The following PALM2AKAP2 variants were observed in gnomAD, a reference collection of about 807,000 sequenced individuals.
PALM2AKAP2 encodes PALM2 and AKAP2 fusion, also known as PALM2-AKAP2 fusion protein.
A neutral mutation model predicts 71.5 loss-of-function variants in PALM2AKAP2; 37 were observed. The ratio of observed to expected loss-of-function variants is 0.52; its 90% CI spans 0.40 to 0.68. The LOEUF (loss-of-function observed/expected upper bound fraction) is 0.68, where lower values mean the gene tolerates loss of function less well. PALM2AKAP2 is among the 30% of genes least tolerant of loss of function. PALM2AKAP2 has a pLI of 0.00. For missense variants in PALM2AKAP2, 1,224 were observed against 1,191.8 expected, an observed-to-expected ratio of 1.03 and a Z score of -0.40; for synonymous variants, 468 against 478.8, an observed-to-expected ratio of 0.98 and a Z score of 0.29.
At chr9:109,918,977 G>T (rs1475827355) in intron 3 of PALM2AKAP2, among the ~76,000 whole-genome samples, 1 of 152,140 alleles carries the variant, frequency 6.6e-6, no homozygotes, top group Non-Finnish European at 1.5e-5. Context: ...ATAGCGCAGA[G>T]CCTTGAAACC....
At chr9:109,969,225 C>G (rs1013961601) in intron 6 of PALM2AKAP2, among the ~76,000 whole-genome samples, 3 of 152,188 alleles carry the variant, frequency 2.0e-5, no homozygotes, top group African/African-American at 7.2e-5. Flanking sequence ...TTTGCAAAAG[C>G]TCAGCAGCTC....
intron 6 of PALM2AKAP2, among the ~76,000 whole-genome samples, chr9:109,954,808 T>A (rs1831716956): frequency 6.6e-6 from 1 of 152,170 alleles, no homozygotes; most frequent in African/African-American, 2.4e-5. Flanking sequence ...AAAATCATTT[T>A]GAATTCATTG....
chr9:110,152,734 A>G (rs1836352771), intron 2 of PALM2AKAP2, among the ~76,000 whole-genome samples: 1 of 152,140 alleles, frequency 6.6e-6, no homozygotes, highest in Non-Finnish European at 1.5e-5. Context: ...CCTCTGAGGA[A>G]GTTGTCAGGT....
intron 1 of PALM2AKAP2, among the ~76,000 whole-genome samples, chr9:109,653,650 G>C (rs1472880267): frequency 1.3e-5 from 2 of 152,204 alleles, no homozygotes; most frequent in African/African-American, 4.8e-5. Context: ...TCTGTAGATA[G>C]GGGGTGTAGT....
intron 1 of PALM2AKAP2, among the ~76,000 whole-genome samples, chr9:110,058,897 G>GTTTTTTTTTTT (rs1833901361): frequency 8.8e-6 from 1 of 113,456 alleles, no homozygotes; most frequent in African/African-American, 3.8e-5. Context: ...AAAGTTTTTT[G>GTTTTTTTTTTT]GTTTTTTTTT....
intron 6 of PALM2AKAP2, among the ~76,000 whole-genome samples, chr9:110,011,267 T>C (rs1832882060): frequency 6.6e-6 from 1 of 150,380 alleles, no homozygotes; most frequent in African/African-American, 2.4e-5. Context: ...CCCCAAGTTC[T>C]TAGGTCAGAT....
At chr9:110,030,590 G>A (rs141267157) in intron 7 of PALM2AKAP2, among the ~76,000 whole-genome samples, 1 of 152,212 alleles carries the variant, frequency 6.6e-6, no homozygotes, top group African/African-American at 2.4e-5. Flanking sequence ...CTAACAATGG[G>A]AAGAATGATC....
At chr9:109,794,479 A>C (rs1827195231) in intron 1 of PALM2AKAP2, among the ~76,000 whole-genome samples, 1 of 147,672 alleles carries the variant, frequency 6.8e-6, no homozygotes, top group Admixed American at 6.8e-5. Flanking sequence ...AAGCACACTT[A>C]GTGAAAGACT....
chr9:109,839,200 C>T (rs1264624817), intron 1 of PALM2AKAP2, among the ~76,000 whole-genome samples: 2 of 152,210 alleles, frequency 1.3e-5, no homozygotes, highest in Non-Finnish European at 2.9e-5. Context: ...ATCAAGTGGG[C>T]TTCATCCCTG....
intron 1 of PALM2AKAP2, among the ~76,000 whole-genome samples, chr9:110,067,784 A>G (rs1411138681): frequency 6.6e-6 from 1 of 152,224 alleles, no homozygotes; most frequent in Non-Finnish European, 1.5e-5. Flanking sequence ...TTGTCTTTCT[A>G]ATGGAATTTC....
chr9:110,033,767 A>G (rs1833329260), intron 7 of PALM2AKAP2, among the ~76,000 whole-genome samples: 1 of 152,248 alleles, frequency 6.6e-6, no homozygotes, highest in Non-Finnish European at 1.5e-5. Context: ...TTAGTCAAGA[A>G]TGGACCTGAT....
chr9:109,702,248 C>T (rs1285883331), intron 1 of PALM2AKAP2, among the ~76,000 whole-genome samples: 1 of 152,098 alleles, frequency 6.6e-6, no homozygotes, highest in Non-Finnish European at 1.5e-5. Flanking sequence ...TGGGTATATA[C>T]CCAAAGGATT....
chr9:109,822,137 A>G (rs1014977508), intron 1 of PALM2AKAP2, among the ~76,000 whole-genome samples: 6 of 152,190 alleles, frequency 3.9e-5, no homozygotes, highest in Non-Finnish European at 7.3e-5. Flanking sequence ...AAGGGGAGGG[A>G]ATTGTTATAA....
At chr9:109,796,870 G>A (rs13288166) in intron 1 of PALM2AKAP2, among the ~76,000 whole-genome samples, 1 of 152,042 alleles carries the variant, frequency 6.6e-6, no homozygotes, top group East Asian at 1.9e-4. Context: ...AAGATGAGAT[G>A]TGGGTGGGGA....
chr9:109,878,864 A>G (rs1829777375), intron 2 of PALM2AKAP2, among the ~76,000 whole-genome samples: 1 of 152,102 alleles, frequency 6.6e-6, no homozygotes, highest in Non-Finnish European at 1.5e-5. Flanking sequence ...CAGCCTCCCA[A>G]GTAGCTGGGA....
chr9:109,974,381 C>T (rs974367454), intron 6 of PALM2AKAP2, among the ~76,000 whole-genome samples: 1 of 152,142 alleles, frequency 6.6e-6, no homozygotes, highest in Non-Finnish European at 1.5e-5. Flanking sequence ...GTGAGTCTGA[C>T]CCAAAGCCCT....
At chr9:110,089,169 C>G (rs557474856) in intron 1 of PALM2AKAP2, among the ~76,000 whole-genome samples, 2 of 152,070 alleles carry the variant, frequency 1.3e-5, no homozygotes, top group Non-Finnish European at 2.9e-5. Context: ...ACTGGGGAGG[C>G]GGATGGGAGA....
chr9:110,112,521 A>G (rs912562294), intron 1 of PALM2AKAP2, among the ~76,000 whole-genome samples: 2 of 152,260 alleles, frequency 1.3e-5, no homozygotes, highest in Non-Finnish European at 2.9e-5. Context: ...ATCATCATCC[A>G]TATCATCTAT....
At chr9:110,144,175 G>A (rs1836104674) in intron 2 of PALM2AKAP2, among the ~76,000 whole-genome samples, 1 of 152,232 alleles carries the variant, frequency 6.6e-6, no homozygotes, top group African/African-American at 2.4e-5. Flanking sequence ...TGCTCCATGG[G>A]GGAAGTCCCT....
Sources: allele counts gnomAD v4.1 joint callset (sites outside exome capture counted in the v4.1 genomes callset), GRCh38; gene constraint gnomAD v4.1.1; transcripts MANE v1.5; gene names NCBI Gene and HGNC (gene_info 2026-07-23, HGNC 2026-07-21).